POC1B: variants seen among roughly 807,000 people sequenced by gnomAD.
POC1B encodes the protein POC1 centriolar protein homolog B.
A neutral mutation model predicts 60.6 loss-of-function variants in POC1B; 44 were observed. The ratio of observed to expected loss-of-function variants is 0.73; its 90% CI spans 0.57 to 0.93. POC1B has a LOEUF of 0.93. POC1B is among the 40% of genes least tolerant of loss of function. The pLI is 0.00. For synonymous variants in POC1B, 180 were observed against 198.9 expected, an observed-to-expected ratio of 0.90 and a Z score of 0.80; for missense variants, 555 against 572.3, an observed-to-expected ratio of 0.97 and a Z score of 0.31.
chr12:89,517,245 C>T (rs1248136081), intron 2 of POC1B, among the ~76,000 whole-genome samples: 1 of 152,178 alleles, frequency 6.6e-6, no homozygotes, highest in Admixed American at 6.5e-5. Flanking sequence ...TAGCTAACTT[C>T]TCCTTCTGGT....
intron 2 of POC1B, among the ~76,000 whole-genome samples, chr12:89,508,541 T>C (rs1870017348): frequency 1.3e-5 from 2 of 152,222 alleles, no homozygotes; most frequent in South Asian, 4.1e-4. Flanking sequence ...AGTGTTGATG[T>C]TTACTTTGAT....
chr12:89,406,291 T>C, the POC1B span, among the ~76,000 whole-genome samples: 1 of 152,168 alleles, frequency 6.6e-6, no homozygotes, highest in Admixed American at 6.5e-5. Flanking sequence ...ACATACTTTT[T>C]AGAGAAAGTT....
intron 2 of POC1B, chr12:89,502,573 T>C (rs1869629573): frequency 5.0e-6 from 6 of 1,202,352 alleles, no homozygotes; most frequent in African/African-American, 4.5e-5. Flanking sequence ...TTGGAGATCC[T>C]TTGCAGCCAG....
At chr12:89,446,686 C>G (rs977519361) in intron 10 of POC1B, among the ~76,000 whole-genome samples, 8 of 150,242 alleles carry the variant, frequency 5.3e-5, no homozygotes, top group Admixed American at 2.0e-4. Context: ...ACCAACATGG[C>G]ACATGTACAT....
At chr12:89,414,942 AC>A (rs1880340610), downstream of POC1B, among the ~76,000 whole-genome samples, 1 of 152,236 alleles carries the variant, frequency 6.6e-6, no homozygotes, top group Non-Finnish European at 1.5e-5. Flanking sequence ...AGCAGATAAT[AC>A]CTGTTCTCCA....
chr12:89,479,013 G>A (rs1425441053), intron 4 of POC1B, among the ~76,000 whole-genome samples: 1 of 152,120 alleles, frequency 6.6e-6, no homozygotes, highest in Non-Finnish European at 1.5e-5. Flanking sequence ...TAAGTAAAAA[G>A]ATATTTCTCA....
intron 2 of POC1B, among the ~76,000 whole-genome samples, chr12:89,518,313 T>C (rs1034391145): frequency 3.3e-5 from 5 of 152,204 alleles, no homozygotes; most frequent in African/African-American, 1.2e-4. Flanking sequence ...AGCAGACTGA[T>C]TCATTCATAT....
chr12:89,496,957 C>T (rs1869280171), intron 3 of POC1B: 3 of 536,288 alleles, frequency 5.6e-6, no homozygotes, highest in East Asian at 6.1e-5. Context: ...ACATATTAAG[C>T]ATATTTCCAT....
intron 4 of POC1B, among the ~76,000 whole-genome samples, chr12:89,480,406 G>A (rs1883277692): frequency 6.6e-6 from 1 of 151,172 alleles, no homozygotes; most frequent in Non-Finnish European, 1.5e-5. Flanking sequence ...AGACTGATAA[G>A]TTATAAAGCT....
chr12:89,408,214 C>T, the POC1B span, among the ~76,000 whole-genome samples: 1 of 152,136 alleles, frequency 6.6e-6, no homozygotes, highest in Non-Finnish European at 1.5e-5. Context: ...CATTGATGGG[C>T]ATTTGGGTTG....
At chr12:89,522,666 A>G (rs931372835) in intron 2 of POC1B, 19 of 1,020,912 alleles carry the variant, frequency 1.9e-5, no homozygotes, top group Non-Finnish European at 2.6e-5. Flanking sequence ...AGTGTGATAT[A>G]CCAAAATGAA....
chr12:89,498,847 T>C (rs1869391223), intron 2 of POC1B, among the ~76,000 whole-genome samples: 1 of 152,100 alleles, frequency 6.6e-6, no homozygotes, highest in African/African-American at 2.4e-5. Context: ...GCAAATAAGA[T>C]ACAATCCTTT....
chr12:89,436,280 T>G (rs917878155), intron 10 of POC1B, among the ~76,000 whole-genome samples: 4 of 152,112 alleles, frequency 2.6e-5, no homozygotes, highest in Admixed American at 1.3e-4. Context: ...GAAGTCATGA[T>G]ACCACTAAAG....
chr12:89,425,332 G>A lies in POC1B; in HGVS notation c.1161C>T (p.Ala387=), dbSNP rs763453938. 1 of 1,614,054 alleles carries A rather than the reference G, an allele frequency of 6.2e-7. No individual in the cohort carries two copies. Among genetic ancestry groups the A allele is most frequent in the South Asian group, 1.1e-5 (1 of 91,084 alleles). The change falls in exon 11 of 12, where the codon GCC becomes GCT. Residue 387 remains alanine, a synonymous_variant. Transcript: ENST00000313546. The part of the protein sequence containing the change: ...GRTLPDKGEE[A]CGYFLNPSLM... ...AGGAAGGGTTCAAGAAATATCCACA[G>A]GCCTCTTCACCCTTGTCTGGCAGAG...
chr12:89,480,220 T>C (rs1016896374), intron 4 of POC1B, among the ~76,000 whole-genome samples: 2 of 151,642 alleles, frequency 1.3e-5, no homozygotes, highest in Non-Finnish European at 2.9e-5. Flanking sequence ...TACCGCAGCA[T>C]AGGCCTCCCA....
intron 2 of POC1B, among the ~76,000 whole-genome samples, chr12:89,513,550 C>T (rs1359104141): frequency 6.6e-6 from 1 of 152,190 alleles, no homozygotes; most frequent in African/African-American, 2.4e-5. Flanking sequence ...AATACTTTAA[C>T]AGGCTTTTAC....
chr12:89,462,231 T>C lies in POC1B; in HGVS notation c.1033-2513A>G, dbSNP rs1448363002. Among the ~76,000 whole-genome samples the C allele has an allele frequency of 3.3e-5, 5 of 152,322 alleles. No homozygotes were observed. In the East Asian group the frequency reaches 7.7e-4, roughly 23 times the overall value. On this transcript the variant is annotated intron_variant, in intron 9 of 11. Transcript: ENST00000313546. ...AAGAAAATATGCTGAGGGGGTGATA[T>C]GGTTAAATTCTTTGCTAGCTAACTC...
intron 4 of POC1B, among the ~76,000 whole-genome samples, chr12:89,478,009 C>T (rs541777628): frequency 4.7e-4 from 71 of 152,178 alleles, no homozygotes; most frequent in Non-Finnish European, 9.3e-4. Flanking sequence ...TCCTCAGGAA[C>T]GGCCTTCCTG....
chr12:89,447,025 G>A (rs1419389629), intron 10 of POC1B, among the ~76,000 whole-genome samples: 1 of 152,096 alleles, frequency 6.6e-6, no homozygotes, highest in Non-Finnish European at 1.5e-5. Flanking sequence ...CATAAAAATA[G>A]TCATAGCACT....
Sources: allele counts gnomAD v4.1 joint callset (sites outside exome capture counted in the v4.1 genomes callset), GRCh38; gene constraint gnomAD v4.1.1; transcripts MANE v1.5; gene names NCBI Gene and HGNC (gene_info 2026-07-23, HGNC 2026-07-21).